Variants in ARHGAP15 observed in about 807,000 individuals in gnomAD.
The protein encoded by ARHGAP15 is rho GTPase-activating protein 15.
In ARHGAP15, 51 loss-of-function variants were observed where a neutral mutation model predicts 63.7. The ratio of observed to expected loss-of-function variants is 0.80; its 90% CI spans 0.64 to 1.01. The LOEUF is 1.01. Ranked by LOEUF, ARHGAP15 falls within the 50% of genes least tolerant of loss-of-function variation. The probability of loss-of-function intolerance (pLI) is 0.00; values close to 1 mark genes in which losing one functional copy is unlikely to be tolerated. For missense variants in ARHGAP15, 560 were observed against 564.6 expected, an observed-to-expected ratio of 0.99 and a Z score of 0.08; for synonymous variants, 191 against 193.8, an observed-to-expected ratio of 0.99 and a Z score of 0.12.
chr2:143,379,485 A>ATGTG (rs1234683861), intron 6 of ARHGAP15, among the ~76,000 whole-genome samples: 199 of 90,164 alleles, frequency 2.2e-3, no homozygotes, highest in South Asian at 8.3e-3. Flanking sequence ...TTAGGCATAT[A>ATGTG]TATGTGTGTG....
intron 13 of ARHGAP15, among the ~76,000 whole-genome samples, chr2:143,761,480 CA>C: frequency 6.6e-6 from 1 of 152,190 alleles, no homozygotes; most frequent in Non-Finnish European, 1.5e-5. Flanking sequence ...ACACACTTTG[CA>C]AGTCACTATA....
At chr2:143,271,856 G>A (rs935122710) in intron 6 of ARHGAP15, among the ~76,000 whole-genome samples, 1 of 152,182 alleles carries the variant, frequency 6.6e-6, no homozygotes, top group Non-Finnish European at 1.5e-5. Context: ...GAAAATCGAT[G>A]TGTCAAATAT....
intron 8 of ARHGAP15, among the ~76,000 whole-genome samples, chr2:143,456,126 T>C (rs942248584): frequency 2.6e-5 from 4 of 152,082 alleles, no homozygotes; most frequent in African/African-American, 9.7e-5. Flanking sequence ...AACCTACATT[T>C]GGCTTATGCA....
chr2:143,467,568 A>G (rs1010507182), intron 8 of ARHGAP15, among the ~76,000 whole-genome samples: 1 of 152,070 alleles, frequency 6.6e-6, no homozygotes, highest in Non-Finnish European at 1.5e-5. Flanking sequence ...TACTAAAATA[A>G]ACCCAGGTAC....
chr2:143,652,643 G>C (rs2105302493), intron 12 of ARHGAP15, among the ~76,000 whole-genome samples: 1 of 151,978 alleles, frequency 6.6e-6, no homozygotes, highest in South Asian at 2.1e-4. Flanking sequence ...ACATACCTTT[G>C]GTCATATTTA....
At chr2:143,395,337 C>T (rs1687713243) in intron 6 of ARHGAP15, among the ~76,000 whole-genome samples, 3 of 151,938 alleles carry the variant, frequency 2.0e-5, no homozygotes, top group Admixed American at 6.6e-5. Flanking sequence ...ATGTTCCAGC[C>T]CCTCTTATAT....
chr2:143,181,890 C>A (rs1349821662), intron 2 of ARHGAP15, among the ~76,000 whole-genome samples: 2 of 151,876 alleles, frequency 1.3e-5, no homozygotes, highest in Non-Finnish European at 2.9e-5. Flanking sequence ...TAGATTTCAG[C>A]TTAACTTGGT....
chr2:143,649,133 C>T (rs988158413), intron 12 of ARHGAP15, among the ~76,000 whole-genome samples: 1 of 151,844 alleles, frequency 6.6e-6, no homozygotes, highest in East Asian at 1.9e-4. Flanking sequence ...AAAAGCAAAA[C>T]CTCTCTCTAG....
At chr2:143,515,519 A>T (rs1693776920) in intron 9 of ARHGAP15, among the ~76,000 whole-genome samples, 1 of 152,216 alleles carries the variant, frequency 6.6e-6, no homozygotes, top group Admixed American at 6.5e-5. Flanking sequence ...GCATCACATC[A>T]TTGCAAAATG....
In ARHGAP15 at chr2:143,202,195, A is replaced by G. The variant is rs751938042; in HGVS notation, c.227A>G (p.Glu76Gly). 1.2e-6 allele frequency: 2 copies of G among 1,611,054 alleles called. No homozygotes were observed. Among genetic ancestry groups the G allele is most frequent in the South Asian group, 2.2e-5 (2 of 91,020 alleles). The change falls in exon 3 of 14, where the codon GAA becomes GGA. Residue 76 changes from glutamate (E) to glycine (G), a missense_variant. By Grantham distance (98) the Glu-to-Gly change is moderately conservative. Transcript: ENST00000295095. ...HILKDVIPPL[E>G]QLMVEKEGYL... ...TTGAAAGATGTCATTCCTCCATTGG[A>G]ACAACTGGTGAGTGTTTAAGTCATT...
intron 12 of ARHGAP15, among the ~76,000 whole-genome samples, chr2:143,632,736 C>A (rs1218790171): frequency 6.6e-6 from 1 of 152,080 alleles, no homozygotes; most frequent in Non-Finnish European, 1.5e-5. Flanking sequence ...CCCCCCATGG[C>A]CTTTATTCCA....
chr2:143,269,678 TGTTA>T (rs1384426352), intron 6 of ARHGAP15, among the ~76,000 whole-genome samples: 1 of 143,324 alleles, frequency 7.0e-6, no homozygotes, highest in Non-Finnish European at 1.5e-5. Context: ...GTTATAAATG[TGTTA>T]GTTTTTTTTT....
chr2:143,537,752 G>A (rs143234530), intron 10 of ARHGAP15, among the ~76,000 whole-genome samples: 50,686 of 151,906 alleles, frequency 0.33, 8,681 homozygotes, highest in East Asian at 0.42. Flanking sequence ...CTGTTTTGGT[G>A]CCAGTACCAT....
At chr2:143,614,913 G>A (rs1356008944) in intron 11 of ARHGAP15, among the ~76,000 whole-genome samples, 1 of 152,322 alleles carries the variant, frequency 6.6e-6, no homozygotes, top group Admixed American at 6.5e-5. Flanking sequence ...CCACAGGTTT[G>A]TTTAGGCCAG....
At chr2:143,386,511 A>C (rs1364844094) in intron 6 of ARHGAP15, among the ~76,000 whole-genome samples, 1 of 152,164 alleles carries the variant, frequency 6.6e-6, no homozygotes, top group Non-Finnish European at 1.5e-5. Flanking sequence ...GTAAATAAAT[A>C]CTAGGCTCTT....
At chr2:143,627,879 C>T (rs377210343) in intron 12 of ARHGAP15, among the ~76,000 whole-genome samples, 1 of 152,054 alleles carries the variant, frequency 6.6e-6, no homozygotes, top group African/African-American at 2.4e-5. Context: ...GGTTTGTTAC[C>T]TGGGTATACT....
intron 13 of ARHGAP15, among the ~76,000 whole-genome samples, chr2:143,742,172 TCA>T (rs1235669494): frequency 6.6e-6 from 1 of 152,164 alleles, no homozygotes; most frequent in East Asian, 1.9e-4. Context: ...AAAAAGGAAA[TCA>T]CACTAATTAT....
At chr2:143,178,364 C>A (rs1691089892) in intron 2 of ARHGAP15, among the ~76,000 whole-genome samples, 1 of 152,068 alleles carries the variant, frequency 6.6e-6, no homozygotes, top group Non-Finnish European at 1.5e-5. Context: ...TGAAATTTTT[C>A]TTATTAATTT....
intron 13 of ARHGAP15, among the ~76,000 whole-genome samples, chr2:143,752,704 C>G (rs966342838): frequency 4.6e-5 from 7 of 152,144 alleles, no homozygotes; most frequent in Admixed American, 3.3e-4. Flanking sequence ...AGGTGGGCAA[C>G]AGGATTGGGC....
Sources: allele counts gnomAD v4.1 joint callset (sites outside exome capture counted in the v4.1 genomes callset), GRCh38; gene constraint gnomAD v4.1.1; transcripts MANE v1.5; gene names NCBI Gene and HGNC (gene_info 2026-07-23, HGNC 2026-07-21).